The following MXI1 variants were observed in gnomAD, a reference collection of about 807,000 sequenced individuals.
The protein encoded by MXI1 is MAX interactor 1, dimerization protein.
Under a neutral mutation model 36.9 loss-of-function variants are expected in MXI1, and 18 were observed. That is an observed-to-expected ratio of 0.49 (90% CI 0.34 to 0.72). The LOEUF (loss-of-function observed/expected upper bound fraction) is 0.72, where lower values mean the gene tolerates loss of function less well. MXI1 is among the 30% of genes least tolerant of loss of function. MXI1 has a pLI of 0.01. For missense variants in MXI1, 304 were observed against 379.1 expected (o/e 0.80, Z 1.64); for synonymous variants, 160 against 146.7 (o/e 1.09, Z -0.65).
chr10:110,273,188 C>A (rs1856915013), intron 3 of MXI1, among the ~76,000 whole-genome samples: 1 of 151,902 alleles, frequency 6.6e-6, no homozygotes, highest in Non-Finnish European at 1.5e-5. Context: ...GCTGGGACTA[C>A]AGGCATGTGC....
intron 1 of MXI1, among the ~76,000 whole-genome samples, chr10:110,212,409 C>T (rs1465566597): frequency 1.3e-5 from 2 of 152,216 alleles, no homozygotes; most frequent in Non-Finnish European, 2.9e-5. Flanking sequence ...ACAGTCGAAC[C>T]TCTGTGCTCG....
chr10:110,231,208 A>T (rs1855246688), intron 2 of MXI1, among the ~76,000 whole-genome samples: 1 of 152,110 alleles, frequency 6.6e-6, no homozygotes, highest in African/African-American at 2.4e-5. Context: ...CTCTACTAAA[A>T]ATACAGAAAT....
At chr10:110,250,552 C>T (rs1590372154) in intron 3 of MXI1, among the ~76,000 whole-genome samples, 3 of 152,134 alleles carry the variant, frequency 2.0e-5, no homozygotes, top group East Asian at 3.9e-4. Context: ...CAACTTTGGC[C>T]AGGCATGGTG....
chr10:110,236,269 G>C lies in MXI1; in HGVS notation c.407+7948G>C, dbSNP rs149508814. ...GAAAATCAGTTGACCACAGACTTGT[G>C]AGCCTTATTTCTGGATTTTCTGTTC... On this transcript the variant is annotated intron_variant, in intron 2 of 5. Transcript: ENST00000332674. Among the ~76,000 whole-genome samples the C allele has an allele frequency of 3.6e-3, 537 of 148,636 alleles. 2 individuals are homozygous for C. The highest frequency in any genetic ancestry group is 0.012 in the African/African-American group (501 of 40,304).
chr10:110,255,290 G>A (rs1212409828), intron 3 of MXI1, among the ~76,000 whole-genome samples: 1 of 152,132 alleles, frequency 6.6e-6, no homozygotes, highest in African/African-American at 2.4e-5. Flanking sequence ...GCCTACTGTT[G>A]AGACATACTA....
At chr10:110,221,526 T>C (rs551231085) in intron 1 of MXI1, among the ~76,000 whole-genome samples, 8 of 152,192 alleles carry the variant, frequency 5.3e-5, no homozygotes, top group Non-Finnish European at 1.0e-4. Context: ...AGTCCTGCAA[T>C]GCAGATGTCT....
intron 2 of MXI1, among the ~76,000 whole-genome samples, chr10:110,239,251 C>T (rs1161944668): frequency 6.6e-6 from 1 of 152,158 alleles, no homozygotes; most frequent in African/African-American, 2.4e-5. Context: ...GATCTCCAGA[C>T]ATTGTCAGAT....
chr10:110,208,214 C>A, intron 1 of MXI1, 132 bp downstream of exon 1: 1 of 914,268 alleles, frequency 1.1e-6, no homozygotes, highest in Non-Finnish European at 1.6e-6. Flanking sequence ...GCAGTAAAGC[C>A]GATGACACCG....
At chr10:110,283,754 G>A (rs946160360) in intron 5 of MXI1, among the ~76,000 whole-genome samples, 3 of 151,468 alleles carry the variant, frequency 2.0e-5, no homozygotes, top group Non-Finnish European at 4.4e-5. Flanking sequence ...ATTGATGATT[G>A]AATATCTAGT....
chr10:110,225,943 G>GGGGCGGGCCCCGGCGCT (rs1460866055), intron 1 of MXI1: 3 of 896,252 alleles, frequency 3.3e-6, no homozygotes, highest in Non-Finnish European at 4.0e-6. Context: ...GGGGCGGGAG[G>GGGGCGGGCCCCGGCGCT]GGGCGGGCCC....
At chr10:110,246,470 G>GT (rs1040098015) in intron 3 of MXI1, among the ~76,000 whole-genome samples, 12 of 152,160 alleles carry the variant, frequency 7.9e-5, no homozygotes, top group Non-Finnish European at 2.9e-5. Context: ...CTCATTGCAA[G>GT]TAAGTTTAAA....
intron 2 of MXI1, among the ~76,000 whole-genome samples, chr10:110,240,265 CT>C (rs1310062305): frequency 6.6e-6 from 1 of 151,898 alleles, no homozygotes; most frequent in African/African-American, 2.4e-5. Context: ...CATATATTGG[CT>C]TGGTATATGC....
chr10:110,279,369 A>G, intron 4 of MXI1, 75 bp downstream of exon 4: 1 of 1,248,138 alleles, frequency 8.0e-7, no homozygotes, highest in South Asian at 1.2e-5. Context: ...TCCTATTCAT[A>G]TACATCAGCT....
chr10:110,254,436 C>G (rs1052820675), intron 3 of MXI1, among the ~76,000 whole-genome samples: 1 of 151,968 alleles, frequency 6.6e-6, no homozygotes, highest in Non-Finnish European at 1.5e-5. Flanking sequence ...TGAAATTAGG[C>G]CAATTAATAA....
At chr10:110,224,868 G>A (rs559672329) in intron 1 of MXI1, among the ~76,000 whole-genome samples, 22 of 152,160 alleles carry the variant, frequency 1.4e-4, no homozygotes, top group African/African-American at 4.8e-4. Flanking sequence ...AGCTGGTCTC[G>A]AACTCCTGAC....
chr10:110,246,543 T>G (rs1343501141), intron 3 of MXI1, among the ~76,000 whole-genome samples: 1 of 152,196 alleles, frequency 6.6e-6, no homozygotes, highest in African/African-American at 2.4e-5. Flanking sequence ...CTTTTACTAC[T>G]TTGCACAGTG....
chr10:110,209,215 G>C (rs1272755251), intron 1 of MXI1, among the ~76,000 whole-genome samples: 3 of 152,178 alleles, frequency 2.0e-5, no homozygotes, highest in Non-Finnish European at 4.4e-5. Context: ...GCTGTGAAAA[G>C]GAGGAAGGGA....
At chr10:110,235,081 C>T (rs1252976825) in intron 2 of MXI1, among the ~76,000 whole-genome samples, 2 of 152,232 alleles carry the variant, frequency 1.3e-5, no homozygotes, top group African/African-American at 2.4e-5. Context: ...GAGACTACCA[C>T]TTCCGATAAT....
intron 1 of MXI1, among the ~76,000 whole-genome samples, chr10:110,219,258 C>G (rs1854735496): frequency 6.6e-6 from 1 of 152,186 alleles, no homozygotes; most frequent in Non-Finnish European, 1.5e-5. Context: ...CAAGGTCGTG[C>G]CACTGCACTC....
Sources: gnomAD v4.1 joint callset for allele counts (sites outside exome capture counted in the v4.1 genomes callset) on GRCh38, gnomAD v4.1.1 for gene constraint, MANE v1.5 for transcripts, NCBI Gene and HGNC (gene_info 2026-07-23, HGNC 2026-07-21) for gene names.